The following WDR27 variants were observed in gnomAD, a reference collection of about 807,000 sequenced individuals.
WDR27 encodes the protein WD repeat domain 27, also known as WD repeat-containing protein 27.
In WDR27, 100 loss-of-function variants were observed where a neutral mutation model predicts 114.4. The ratio of observed to expected loss-of-function variants is 0.87; its 90% CI spans 0.74 to 1.03. The LOEUF is 1.03. Among genes scored for constraint, WDR27 ranks in the 50% least tolerant of loss-of-function variants. The pLI, the probability that WDR27 is intolerant of heterozygous loss-of-function variation, is 0.00. For synonymous variants in WDR27, 449 were observed against 423.1 expected (o/e 1.06, Z -0.75); for missense variants, 1,129 against 1,092.9 (o/e 1.03, Z -0.47).
At chr6:169,492,015 C>A (rs577900907) in intron 25 of WDR27, among the ~76,000 whole-genome samples, 11 of 151,904 alleles carry the variant, frequency 7.2e-5, no homozygotes, top group African/African-American at 2.7e-4. Flanking sequence ...AGAGGACAGA[C>A]AACCAAATAA....
intron 25 of WDR27, among the ~76,000 whole-genome samples, chr6:169,565,711 G>T (rs1182160418): frequency 6.6e-6 from 1 of 152,232 alleles, no homozygotes; most frequent in African/African-American, 2.4e-5. Context: ...GTCTCGCTCT[G>T]TTGCCCAGGC....
intron 25 of WDR27, among the ~76,000 whole-genome samples, chr6:169,504,776 G>T (rs1263614812): frequency 1.3e-5 from 2 of 151,908 alleles, no homozygotes; most frequent in African/African-American, 4.8e-5. Context: ...ACCACCACAT[G>T]TGGCTAATTT....
intron 22 of WDR27, among the ~76,000 whole-genome samples, chr6:169,605,304 C>T (rs1039015468): frequency 1.1e-4 from 17 of 151,538 alleles, no homozygotes; most frequent in African/African-American, 4.1e-4. Context: ...AAATCAGTAG[C>T]ATTTCTATAC....
chr6:169,637,528 C>T (rs1486188831), intron 18 of WDR27, among the ~76,000 whole-genome samples: 1 of 150,924 alleles, frequency 6.6e-6, no homozygotes, highest in East Asian at 1.9e-4. Context: ...TATGCATCTA[C>T]ATGTGTGTGT....
intron 25 of WDR27, among the ~76,000 whole-genome samples, chr6:169,567,784 G>T (rs1202094910): frequency 6.6e-6 from 1 of 152,166 alleles, no homozygotes; most frequent in Non-Finnish European, 1.5e-5. Flanking sequence ...TTTTTAGGAT[G>T]CTCCCAGGAC....
Position 169,582,684 on chromosome 6 carries a change from T to C in WDR27, c.2523+152A>G, listed in dbSNP as rs542698730. Among the ~76,000 whole-genome samples, 20 of 152,280 alleles carry C rather than the reference T, an allele frequency of 1.3e-4. No homozygotes were observed. In the South Asian group the frequency reaches 3.1e-3, roughly 24 times the overall value. On this transcript the variant is annotated intron_variant, in intron 24 of 25. Transcript: ENST00000448612. ...TTTCTCTCTCTCTCGCCAATAAAAA[T>C]ATATTTCCTAAGTTCTCCTTGCACT...
At chr6:169,627,806 A>G (rs1366084947) in intron 21 of WDR27, among the ~76,000 whole-genome samples, 7 of 152,180 alleles carry the variant, frequency 4.6e-5, no homozygotes, top group Admixed American at 4.6e-4. Flanking sequence ...GCAGGCCTGG[A>G]GTCCAACTCC....
At chr6:169,663,010 C>A (rs995246740) in intron 8 of WDR27, among the ~76,000 whole-genome samples, 2 of 151,526 alleles carry the variant, frequency 1.3e-5, no homozygotes, top group African/African-American at 4.9e-5. Flanking sequence ...ACTCGGATCA[C>A]GCGTCGAGGA....
chr6:169,604,534 C>A (rs966412678), intron 22 of WDR27, among the ~76,000 whole-genome samples: 4 of 152,112 alleles, frequency 2.6e-5, no homozygotes, highest in African/African-American at 4.8e-5. Flanking sequence ...TAAAGAAGAA[C>A]TACTATCAAT....
rs1828052031 is a variant in WDR27, at chr6:169,667,141, AAC to A, written c.705_706del (p.Leu236IlefsTer11). The A allele has an allele frequency of 6.6e-7, 1 of 1,523,214 alleles. No homozygotes were observed. The highest frequency in any genetic ancestry group is 8.8e-7 in the Non-Finnish European group (1 of 1,137,536). 94.4% of individuals were successfully genotyped at this position (1,523,214 alleles called of 1,614,324 possible). ...CATGAAAGTTTTAAATTTACCTGAT[AAC>A]ACAGATGAACTGTATATTAATGATC... On this transcript the variant is annotated frameshift_variant, in exon 6 of 26. Coordinates refer to ENST00000448612, the MANE Select transcript of WDR27 (RefSeq NM_182552.5). LOFTEE classifies it high-confidence loss of function.
At chr6:169,516,283 C>A (rs1793625803) in intron 25 of WDR27, among the ~76,000 whole-genome samples, 1 of 152,164 alleles carries the variant, frequency 6.6e-6, no homozygotes, top group Non-Finnish European at 1.5e-5. Context: ...ATTTTCAACT[C>A]CCTAGCTCAA....
chr6:169,545,933 G>GA (rs747637462), intron 25 of WDR27, among the ~76,000 whole-genome samples: 120 of 151,254 alleles, frequency 7.9e-4, no homozygotes, highest in Non-Finnish European at 1.2e-3. Flanking sequence ...AAAAAGAGAA[G>GA]AAAAAAAGAA....
intron 25 of WDR27, among the ~76,000 whole-genome samples, chr6:169,508,533 G>A (rs1583859199): frequency 6.6e-6 from 1 of 152,118 alleles, no homozygotes; most frequent in Admixed American, 6.5e-5. Context: ...GTTTAAGAGT[G>A]AATAGTCTAA....
At chr6:169,557,830 G>A (rs1213828685) in intron 25 of WDR27, among the ~76,000 whole-genome samples, 1 of 152,050 alleles carries the variant, frequency 6.6e-6, no homozygotes, top group Admixed American at 6.5e-5. Context: ...CACTTAATAA[G>A]TTATCAGGAC....
chr6:169,600,602 T>C (rs1013979472), intron 23 of WDR27, among the ~76,000 whole-genome samples: 3 of 151,888 alleles, frequency 2.0e-5, no homozygotes, highest in Non-Finnish European at 2.9e-5. Context: ...GAATTACCAA[T>C]GCAGAGAAGT....
intron 3 of WDR27, chr6:169,671,152 C>T (rs1032755991): frequency 1.9e-4 from 29 of 156,722 alleles, no homozygotes; most frequent in African/African-American, 6.7e-4. Flanking sequence ...TTCCCAAGAC[C>T]CGGACATGTG....
intron 8 of WDR27, 51 bp from the exon 9 acceptor site, chr6:169,662,475 C>T: frequency 3.1e-6 from 5 of 1,599,054 alleles, no homozygotes; most frequent in Non-Finnish European, 4.3e-6. Context: ...ATGCATCCGT[C>T]AAGTTTAAAG....
intron 21 of WDR27, among the ~76,000 whole-genome samples, chr6:169,622,456 A>G (rs1417018819): frequency 1.3e-5 from 2 of 152,226 alleles, no homozygotes; most frequent in African/African-American, 4.8e-5. Context: ...TTTAACTGCT[A>G]TTAGGAACAG....
chr6:169,508,928 C>T (rs908506048), intron 25 of WDR27, among the ~76,000 whole-genome samples: 2 of 152,206 alleles, frequency 1.3e-5, no homozygotes, highest in South Asian at 2.1e-4. Flanking sequence ...CTGCCCTCCA[C>T]ACAGCAGCCA....
Sources: allele counts gnomAD v4.1 joint callset (sites outside exome capture counted in the v4.1 genomes callset), GRCh38; gene constraint gnomAD v4.1.1; transcripts MANE v1.5; gene names NCBI Gene and HGNC (gene_info 2026-07-23, HGNC 2026-07-21).